AMMECR1: variants seen among roughly 807,000 people sequenced by gnomAD.
AMMECR1 encodes AMMECR nuclear protein 1, also known as nuclear protein AMMECR1.
In AMMECR1, 3 loss-of-function variants were observed where a neutral mutation model predicts 22.5. The ratio of observed to expected loss-of-function variants is 0.13; its 90% confidence interval spans 0.06 to 0.35. The LOEUF (loss-of-function observed/expected upper bound fraction) is 0.35. Among genes scored for constraint, AMMECR1 ranks in the 10% least tolerant of loss-of-function variants. AMMECR1 has a pLI of 1.00. For missense variants in AMMECR1, 235 were observed against 278.7 expected (o/e 0.84, Z 1.12); for synonymous variants, 130 against 116.7 (o/e 1.11, Z -0.74).
chrX:110,339,098 G>A (rs1021220746), intron 2 of AMMECR1, among the ~76,000 whole-genome samples: 2 of 111,568 alleles, frequency 1.8e-5, no homozygotes, highest in African/African-American at 3.3e-5. Flanking sequence ...AAGCAAGCCA[G>A]TCCTCACTGG....
At chrX:110,326,402 C>A (rs1040714869) in intron 2 of AMMECR1, among the ~76,000 whole-genome samples, 3 of 112,073 alleles carry the variant, frequency 2.7e-5, no homozygotes, top group Non-Finnish European at 5.6e-5. Flanking sequence ...ATTCAATTTC[C>A]ACATATTTGT....
intron 1 of AMMECR1, among the ~76,000 whole-genome samples, chrX:110,286,545 G>T (rs945082790): frequency 8.4e-5 from 9 of 107,751 alleles, no homozygotes; most frequent in Non-Finnish European, 1.5e-4. Flanking sequence ...GGTGTTGTGC[G>T]CCTGTAGTCC....
intron 1 of AMMECR1, among the ~76,000 whole-genome samples, chrX:110,297,297 A>T: frequency 9.0e-6 from 1 of 111,674 alleles, no homozygotes; most frequent in Non-Finnish European, 1.9e-5. Flanking sequence ...ACAGTATTAA[A>T]CAATTGCTGC....
rs1486888945 is a variant in AMMECR1, at chrX:110,260,948, A to C, written c.584+3541T>G. Among the ~76,000 whole-genome samples the C allele has an allele frequency of 3.6e-5, 4 of 112,246 alleles. No individual in the cohort carries two copies. The Admixed American group carries it at 3.8e-4, about 11-fold the overall frequency. ...GAAATAAGCTAGTCACAAAATGACAAATATCATATGATTCCACTGATACGA... is the reference window on the plus strand; with the variant it reads ...GAAATAAGCTAGTCACAAAATGACACATATCATATGATTCCACTGATACGA... On this transcript the variant is annotated intron_variant, in intron 2 of 5. Coordinates refer to ENST00000262844, the MANE Select transcript of AMMECR1 (RefSeq NM_015365.3).
At chrX:110,353,004 T>C (rs2068216840) in intron 2 of AMMECR1, among the ~76,000 whole-genome samples, 1 of 112,443 alleles carries the variant, frequency 8.9e-6, no homozygotes, top group Non-Finnish European at 1.9e-5. Flanking sequence ...ATGCCAGACA[T>C]TGTTGTGAAA....
rs1340079666 is a variant in AMMECR1, at chrX:110,415,603, C to T, written c.-148+11055G>A. On this transcript the variant is annotated intron_variant, in intron 2 of 7. Coordinates refer to the AMMECR1 transcript ENST00000372057. ...TGGGGAGATGGGTGGGTAAAGGCGA[C>T]TCATTCTGACTCAGGTTTGCATGGT... Among the ~76,000 whole-genome samples the T allele has an allele frequency of 3.6e-5, 4 of 111,339 alleles. No individual in the cohort carries two copies. The East Asian group carries it at 1.1e-3, about 31-fold the overall frequency.
intron 2 of AMMECR1, among the ~76,000 whole-genome samples, chrX:110,323,659 T>A (rs973088328): frequency 8.9e-6 from 1 of 112,586 alleles, no homozygotes; most frequent in East Asian, 2.8e-4. Flanking sequence ...CATCAATTGA[T>A]TGACATTTGG....
In AMMECR1 at chrX:110,216,399, T is replaced by C. The variant is rs977031351; in HGVS notation, c.699+119A>G. The C allele has an allele frequency of 2.3e-4, 106 of 461,031 alleles. 1 individual carries two copies. The highest frequency in any genetic ancestry group is 2.6e-5 in the Non-Finnish European group (7 of 268,668). 38.0% of individuals were successfully genotyped at this position (461,031 alleles called of 1,213,427 possible). A position where few individuals can be genotyped will look rare whatever the true frequency, so the allele number is the denominator to read the frequency against. On this transcript the variant is annotated intron_variant, in intron 3 of 5. Coordinates refer to ENST00000262844, the MANE Select transcript of AMMECR1 (RefSeq NM_015365.3). ...AGTTGTGAGGTTTATTCATCCATAT[T>C]ACTCTCGACCTCCATTACAATAGAG...
At chrX:110,295,088 C>G (rs1349804620) in intron 1 of AMMECR1, among the ~76,000 whole-genome samples, 1 of 110,397 alleles carries the variant, frequency 9.1e-6, no homozygotes, top group African/African-American at 3.3e-5. Context: ...AAACAATTTT[C>G]CACGGTCTAT....
At chrX:110,304,045 TC>T (rs911456705) in intron 1 of AMMECR1, among the ~76,000 whole-genome samples, 3 of 112,256 alleles carry the variant, frequency 2.7e-5, no homozygotes, top group African/African-American at 9.7e-5. Context: ...CAAAGCATAA[TC>T]ATTCCTCAAC....
At chrX:110,232,464 C>T (rs965407544) in intron 2 of AMMECR1, among the ~76,000 whole-genome samples, 1 of 111,874 alleles carries the variant, frequency 8.9e-6, no homozygotes, top group Non-Finnish European at 1.9e-5. Flanking sequence ...TTCTTTGAAA[C>T]CAATGAGAAC....
At chrX:110,219,963 A>C (rs1298350392) in intron 2 of AMMECR1, among the ~76,000 whole-genome samples, 2 of 112,176 alleles carry the variant, frequency 1.8e-5, no homozygotes, top group Non-Finnish European at 3.8e-5. Context: ...AGATTACAAA[A>C]AGATGAAAAT....
intron 2 of AMMECR1, among the ~76,000 whole-genome samples, chrX:110,415,735 C>T (rs2068672749): frequency 9.0e-6 from 1 of 111,421 alleles, no homozygotes; most frequent in Non-Finnish European, 1.9e-5. Context: ...AGCTGGGCCG[C>T]AAACAAAGAT....
At chrX:110,198,743 T>A in intron 5 of AMMECR1, 109 bp from the exon 6 acceptor site, 1 of 532,799 alleles carries the variant, frequency 1.9e-6, no homozygotes, top group Non-Finnish European at 3.2e-6. Context: ...GGAAACGGGG[T>A]CCCAGAGAGA....
chrX:110,264,259 T>A (rs1279593260), intron 2 of AMMECR1, among the ~76,000 whole-genome samples: 1 of 111,201 alleles, frequency 9.0e-6, no homozygotes, highest in Non-Finnish European at 1.9e-5. Context: ...AAAAAACACT[T>A]CAAAACATCG....
At chrX:110,276,666 C>G (rs190772616) in intron 1 of AMMECR1, among the ~76,000 whole-genome samples, 1 of 111,853 alleles carries the variant, frequency 8.9e-6, no homozygotes, top group East Asian at 2.8e-4. Flanking sequence ...ATATATCTCT[C>G]AGGTCTGTAT....
intron 1 of AMMECR1, among the ~76,000 whole-genome samples, chrX:110,296,830 G>T (rs1454518234): frequency 9.1e-6 from 1 of 110,434 alleles, no homozygotes; most frequent in Non-Finnish European, 1.9e-5. Context: ...TACAATAACA[G>T]ATTTAAAGTT....
chrX:110,346,943 G>T, intron 2 of AMMECR1: 1 of 531,600 alleles, frequency 1.9e-6, no homozygotes, highest in Non-Finnish European at 3.5e-6. Context: ...TTCGTGGGTC[G>T]GTGGGTCGTG....
At chrX:110,339,399 T>C (rs1393537983) in intron 2 of AMMECR1, among the ~76,000 whole-genome samples, 14 of 72,602 alleles carry the variant, frequency 1.9e-4, no homozygotes, top group Non-Finnish European at 3.2e-4. Context: ...AATGGTTTGT[T>C]GTAAAAAAAA....
Sources: allele counts gnomAD v4.1 joint callset (sites outside exome capture counted in the v4.1 genomes callset), GRCh38; gene constraint gnomAD v4.1.1; transcripts MANE v1.5; gene names NCBI Gene and HGNC (gene_info 2026-07-23, HGNC 2026-07-21).